Variants in PTPN4 observed in about 807,000 individuals in gnomAD.
PTPN4 encodes tyrosine-protein phosphatase non-receptor type 4.
PTPN4 carries 49 observed loss-of-function variants against 135.5 expected under a neutral mutation model. The ratio of observed to expected loss-of-function variants is 0.36; its 90% confidence interval spans 0.29 to 0.46. The LOEUF is 0.46. Ranked by LOEUF, PTPN4 falls within the 20% of genes least tolerant of loss-of-function variation. The pLI is 1.00. For synonymous variants in PTPN4, 333 were observed against 369.9 expected, an observed-to-expected ratio of 0.90 and a Z score of 1.14; for missense variants, 860 against 1,101.0, an observed-to-expected ratio of 0.78 and a Z score of 3.10.
At chr2:119,766,528 C>T (rs72969115) in intron 1 of PTPN4, among the ~76,000 whole-genome samples, 3,743 of 149,978 alleles carry the variant, frequency 0.025, 155 homozygotes, top group African/African-American at 0.086. Context: ...TCTTTGGTGC[C>T]CTTGCGTTAC....
chr2:119,798,016 T>C (rs899734013), intron 1 of PTPN4, among the ~76,000 whole-genome samples: 1 of 152,146 alleles, frequency 6.6e-6, no homozygotes, highest in African/African-American at 2.4e-5. Flanking sequence ...TTTCAAACTT[T>C]TAGAATATTT....
At chr2:119,922,653 C>A (rs1678755097) in intron 12 of PTPN4, among the ~76,000 whole-genome samples, 1 of 152,104 alleles carries the variant, frequency 6.6e-6, no homozygotes, top group South Asian at 2.1e-4. Context: ...CGTACGATAT[C>A]ATTTTCAGAT....
At chr2:119,931,080 G>A (rs555619383) in intron 13 of PTPN4, among the ~76,000 whole-genome samples, 1 of 151,928 alleles carries the variant, frequency 6.6e-6, no homozygotes, top group Non-Finnish European at 1.5e-5. Context: ...ATTTTTGTAG[G>A]AAGACAACAG....
rs866640023 is a variant in PTPN4, at chr2:119,883,837, G to A, written c.587+1214G>A. Among the ~76,000 whole-genome samples, 7 of 152,282 alleles carry A rather than the reference G, an allele frequency of 4.6e-5. No homozygotes were observed. In the South Asian group the frequency reaches 1.2e-3, roughly 27 times the overall value. On this transcript the variant is annotated intron_variant, in intron 8 of 26. Coordinates refer to ENST00000263708, the MANE Select transcript of PTPN4 (RefSeq NM_002830.4). ...CATTGTAGGCACTGAAGAAATGTTA[G>A]CTGTTGTTATTATTAAGAAAACTTA...
intron 3 of PTPN4, among the ~76,000 whole-genome samples, chr2:119,871,421 G>A (rs1288512279): frequency 1.3e-5 from 2 of 152,242 alleles, no homozygotes; most frequent in Admixed American, 1.3e-4. Context: ...TGTGACATCT[G>A]CTGGGCATGG....
chr2:119,799,959 A>T (rs1205152360), intron 1 of PTPN4, among the ~76,000 whole-genome samples: 5 of 152,198 alleles, frequency 3.3e-5, no homozygotes, highest in African/African-American at 1.2e-4. Context: ...TTTTATACAG[A>T]TTTTTCTTCA....
intron 1 of PTPN4, among the ~76,000 whole-genome samples, chr2:119,777,938 G>A (rs971434121): frequency 1.3e-4 from 20 of 151,908 alleles, no homozygotes; most frequent in African/African-American, 4.6e-4. Flanking sequence ...TTATAGATGT[G>A]AGCTACTGTG....
At chr2:119,819,310 A>G (rs533691234) in intron 2 of PTPN4, among the ~76,000 whole-genome samples, 187 of 152,296 alleles carry the variant, frequency 1.2e-3, no homozygotes, top group African/African-American at 4.3e-3. Flanking sequence ...TATTTGGTCT[A>G]TATTTGGTCC....
intron 22 of PTPN4, among the ~76,000 whole-genome samples, chr2:119,957,888 T>A (rs1225329630): frequency 6.6e-6 from 1 of 152,154 alleles, no homozygotes; most frequent in Non-Finnish European, 1.5e-5. Flanking sequence ...ATGTAATTTT[T>A]AAAGTGGAAT....
intron 2 of PTPN4, among the ~76,000 whole-genome samples, chr2:119,857,533 CA>C (rs59220642): frequency 1.5e-5 from 2 of 130,304 alleles, no homozygotes; most frequent in African/African-American, 2.9e-5. Context: ...GACTCCATCT[CA>C]AAAAAAATAA....
At chr2:119,841,742 C>T (rs1241644780) in intron 2 of PTPN4, among the ~76,000 whole-genome samples, 22 of 152,162 alleles carry the variant, frequency 1.4e-4, no homozygotes. Flanking sequence ...CATTACTCAG[C>T]AGCCTTCTAA....
At chr2:119,868,359 A>T (rs1220768567) in intron 3 of PTPN4, among the ~76,000 whole-genome samples, 1 of 152,224 alleles carries the variant, frequency 6.6e-6, no homozygotes, top group Non-Finnish European at 1.5e-5. Flanking sequence ...AACAACTGAT[A>T]AAATTGCTTG....
At chr2:119,780,718 A>C (rs2104927993) in intron 1 of PTPN4, among the ~76,000 whole-genome samples, 1 of 152,284 alleles carries the variant, frequency 6.6e-6, no homozygotes, top group Non-Finnish European at 1.5e-5. Flanking sequence ...GGTGATGTTA[A>C]ATTTGATTAT....
chr2:119,884,061 G>A (rs891277174), intron 8 of PTPN4, among the ~76,000 whole-genome samples: 3 of 152,156 alleles, frequency 2.0e-5, no homozygotes, highest in Admixed American at 2.0e-4. Flanking sequence ...ACCATGCCTG[G>A]CTAATTTTTT....
chr2:119,776,723 T>C (rs1690845446), intron 1 of PTPN4, among the ~76,000 whole-genome samples: 1 of 152,232 alleles, frequency 6.6e-6, no homozygotes. Flanking sequence ...ATAGTAAATA[T>C]ATTTTCTCTT....
At chr2:119,838,260 T>G (rs1463506298) in intron 2 of PTPN4, among the ~76,000 whole-genome samples, 1 of 152,040 alleles carries the variant, frequency 6.6e-6, no homozygotes, top group African/African-American at 2.4e-5. Context: ...ATGTGCAGGA[T>G]GTACTCCTGC....
At chr2:119,959,896 G>T (rs1216068141) in intron 22 of PTPN4, among the ~76,000 whole-genome samples, 3 of 151,924 alleles carry the variant, frequency 2.0e-5, no homozygotes, top group African/African-American at 7.3e-5. Context: ...ATATTTTCTT[G>T]TATATTTATA....
chr2:119,876,897 A>ATGTGTGTG (rs3835789), intron 3 of PTPN4, among the ~76,000 whole-genome samples: 1,808 of 136,096 alleles, frequency 0.013, 17 homozygotes, highest in Middle Eastern at 0.03. Flanking sequence ...GCCCAAGAGC[A>ATGTGTGTG]TGTGTGTGTG....
At chr2:119,938,692 T>C (rs534589981) in intron 15 of PTPN4, among the ~76,000 whole-genome samples, 1 of 152,276 alleles carries the variant, frequency 6.6e-6, no homozygotes, top group East Asian at 1.9e-4. Flanking sequence ...AAAAAAGGGA[T>C]TTAAAATAGT....
Sources: allele counts gnomAD v4.1 joint callset (sites outside exome capture counted in the v4.1 genomes callset), GRCh38; gene constraint gnomAD v4.1.1; transcripts MANE v1.5; gene names NCBI Gene and HGNC (gene_info 2026-07-23, HGNC 2026-07-21).